The following CCND3 variants were observed in gnomAD, a reference collection of about 807,000 sequenced individuals.
CCND3 encodes cyclin D3, also known as G1/S-specific cyclin-D3.
CCND3 carries 9 observed loss-of-function variants against 28.7 expected under a neutral mutation model. The observed-to-expected ratio is 0.31, with a 90% CI of 0.19 to 0.55. CCND3 has a LOEUF of 0.55. Among genes scored for constraint, CCND3 ranks in the 20% least tolerant of loss-of-function variants. The pLI, the probability that CCND3 is intolerant of heterozygous loss-of-function variation, is 0.93. For synonymous variants in CCND3, 164 were observed against 163.9 expected, an observed-to-expected ratio of 1.00 and a Z score of 0.00; for missense variants, 315 against 385.8, an observed-to-expected ratio of 0.82 and a Z score of 1.54.
At chr6:41,943,125 G>A (rs969715185), upstream of CCND3, among the ~76,000 whole-genome samples, 3 of 152,076 alleles carry the variant, frequency 2.0e-5, no homozygotes, top group Non-Finnish European at 4.4e-5. Flanking sequence ...GCCTCCAAAA[G>A]TGCTGGGATT....
At chr6:41,976,913 C>T (rs1261875639) in intron 1 of CCND3, among the ~76,000 whole-genome samples, 1 of 152,104 alleles carries the variant, frequency 6.6e-6, no homozygotes, top group Non-Finnish European at 1.5e-5. Flanking sequence ...GCTGTTTGTT[C>T]AGGGTCATAG....
intron 1 of CCND3, among the ~76,000 whole-genome samples, chr6:42,037,450 T>C (rs1764253521): frequency 6.6e-6 from 1 of 151,238 alleles, no homozygotes; most frequent in Admixed American, 6.6e-5. Context: ...TTGGCCAGGA[T>C]GGTCTCAATC....
intron 1 of CCND3, among the ~76,000 whole-genome samples, chr6:41,948,851 A>G (rs1203651699): frequency 1.3e-5 from 2 of 150,952 alleles, no homozygotes; most frequent in Non-Finnish European, 2.9e-5. Flanking sequence ...ATCTCAAAAA[A>G]AAAAAAAAGA....
intron 1 of CCND3, among the ~76,000 whole-genome samples, chr6:42,035,317 G>C (rs1764172857): frequency 1.3e-5 from 2 of 152,092 alleles, no homozygotes; most frequent in African/African-American, 4.8e-5. Context: ...TAGTTTCCCA[G>C]CTCACCCCCT....
At chr6:42,033,355 C>T (rs1043157787) in intron 1 of CCND3, among the ~76,000 whole-genome samples, 2 of 151,630 alleles carry the variant, frequency 1.3e-5, no homozygotes, top group Non-Finnish European at 2.9e-5. Context: ...AAGGCTAAGG[C>T]GGGAGAATCA....
At chr6:41,948,498 G>T (rs1437884186) in intron 1 of CCND3, among the ~76,000 whole-genome samples, 2 of 151,990 alleles carry the variant, frequency 1.3e-5, no homozygotes, top group African/African-American at 4.8e-5. Flanking sequence ...ACCACGTCTG[G>T]CTCAATAAAT....
chr6:42,007,067 T>C (rs996555498), intron 1 of CCND3, among the ~76,000 whole-genome samples: 10 of 152,170 alleles, frequency 6.6e-5, no homozygotes, highest in African/African-American at 2.2e-4. Flanking sequence ...TGTTTAGTTT[T>C]ATTATACTAC....
chr6:42,037,944 T>A (rs1488823112), intron 1 of CCND3, among the ~76,000 whole-genome samples: 1 of 149,136 alleles, frequency 6.7e-6, no homozygotes. Flanking sequence ...GGCACGAGAA[T>A]CGCTTGAACC....
At position 41,940,673 on chromosome 6, in the gene CCND3, G is replaced by A. The variant is rs191497376; in HGVS notation, c.199-88C>T. On this transcript the variant is annotated intron_variant, in intron 1 of 4. Coordinates refer to ENST00000372991, the MANE Select transcript of CCND3 (RefSeq NM_001760.5). The stretch of plus-strand genomic sequence containing the variant: ...GGGAGCGCTGAAGTGAGGTGGGATA[G>A]GGAGCAAAAACGGCAGAGAGGGTAA... The A allele has an allele frequency of 5.3e-5, 51 of 963,360 alleles. No homozygotes were observed. The East Asian group carries it at 1.1e-3, about 21-fold the overall frequency. 59.7% of individuals were successfully genotyped at this position (963,360 alleles called of 1,614,324 possible).
chr6:42,005,259 G>T (rs1234936611), intron 1 of CCND3, among the ~76,000 whole-genome samples: 1 of 151,934 alleles, frequency 6.6e-6, no homozygotes, highest in Non-Finnish European at 1.5e-5. Context: ...AAAATTACTG[G>T]GGCGAGGTGT....
At chr6:42,016,900 T>G (rs771287173) in intron 1 of CCND3, among the ~76,000 whole-genome samples, 47 of 152,138 alleles carry the variant, frequency 3.1e-4, no homozygotes, top group Non-Finnish European at 2.9e-4. Flanking sequence ...CTATTCTTGA[T>G]TCCAAAGTTC....
At chr6:41,943,943 C>T (rs1043382253), upstream of CCND3, among the ~76,000 whole-genome samples, 5 of 152,124 alleles carry the variant, frequency 3.3e-5, no homozygotes, top group African/African-American at 1.2e-4. Context: ...AAGATATTAA[C>T]CCTTTTCATA....
intron 1 of CCND3, among the ~76,000 whole-genome samples, chr6:42,015,170 T>A (rs1763461589): frequency 6.6e-6 from 1 of 152,198 alleles, no homozygotes; most frequent in Non-Finnish European, 1.5e-5. Context: ...ACATCTAGCA[T>A]GAATCTGGGC....
intron 1 of CCND3, among the ~76,000 whole-genome samples, chr6:41,989,581 C>G (rs1762593901): frequency 6.6e-6 from 1 of 151,544 alleles, no homozygotes; most frequent in Admixed American, 6.6e-5. Context: ...TAAAGGTGTT[C>G]TAAATCATAT....
chr6:41,993,350 G>A lies in CCND3; in HGVS notation c.-45-52765C>T, dbSNP rs1215113587. Among the ~76,000 whole-genome samples the A allele has an allele frequency of 8.6e-5, 13 of 151,190 alleles. No individual in the cohort carries two copies. The East Asian group carries it at 2.0e-3, about 23-fold the overall frequency. On this transcript the variant is annotated intron_variant, in intron 1 of 4. Transcript: ENST00000372988. ...ATTGTGGTTTTACTTGGATTTCCCT[G>A]ATGATTAGTGATGTTGAACATTTTC...
chr6:42,028,559 G>A (rs1448412652), intron 1 of CCND3, among the ~76,000 whole-genome samples: 4 of 152,196 alleles, frequency 2.6e-5, no homozygotes, highest in Non-Finnish European at 5.9e-5. Context: ...ATGGCAGAAG[G>A]TGGCAAGGGA....
intron 1 of CCND3, among the ~76,000 whole-genome samples, chr6:41,976,338 C>A (rs548996858): frequency 6.6e-6 from 1 of 150,714 alleles, no homozygotes; most frequent in Non-Finnish European, 1.5e-5. Context: ...GGCGACAGAG[C>A]AAGACTCTGT....
At chr6:42,022,360 G>A (rs1049974816) in intron 1 of CCND3, among the ~76,000 whole-genome samples, 1 of 152,214 alleles carries the variant, frequency 6.6e-6, no homozygotes. Flanking sequence ...TGGATCCCAG[G>A]TTGGTAAAGA....
At chr6:42,001,794 A>G (rs1387699883) in intron 1 of CCND3, among the ~76,000 whole-genome samples, 1 of 152,088 alleles carries the variant, frequency 6.6e-6, no homozygotes, top group African/African-American at 2.4e-5. Context: ...AGATGATGGC[A>G]ACATGGATGT....
Sources: allele counts gnomAD v4.1 joint callset (sites outside exome capture counted in the v4.1 genomes callset), GRCh38; gene constraint gnomAD v4.1.1; transcripts MANE v1.5; gene names NCBI Gene and HGNC (gene_info 2026-07-23, HGNC 2026-07-21).